Variants in DMD observed in about 807,000 individuals in gnomAD.
The protein encoded by DMD is dystrophin.
Under a neutral mutation model 330.1 loss-of-function variants are expected in DMD, and 63 were observed. The ratio of observed to expected loss-of-function variants is 0.19; its 90% CI spans 0.16 to 0.24. The LOEUF (loss-of-function observed/expected upper bound fraction) is 0.24, where lower values mean the gene tolerates loss of function less well. DMD is among the 10% of genes least tolerant of loss of function. The pLI, the probability that DMD is intolerant of heterozygous loss-of-function variation, is 1.00. For missense variants in DMD, 3,344 were observed against 2,684.1 expected, an observed-to-expected ratio of 1.25 and a Z score of -5.43; for synonymous variants, 1,223 against 959.8, an observed-to-expected ratio of 1.27 and a Z score of -5.07.
chrX:32,029,563 A>G (rs1264885976), intron 44 of DMD, among the ~76,000 whole-genome samples: 1 of 111,314 alleles, frequency 9.0e-6, no homozygotes, highest in African/African-American at 3.3e-5. Context: ...CACGTAATAA[A>G]TGCTGCCTGG....
chrX:32,712,232 C>G (rs773773675), intron 7 of DMD, among the ~76,000 whole-genome samples: 1 of 111,185 alleles, frequency 9.0e-6, no homozygotes, highest in African/African-American at 3.3e-5. Flanking sequence ...AAAATAAAAA[C>G]AAACACAAAC....
intron 59 of DMD, among the ~76,000 whole-genome samples, chrX:31,449,783 T>G (rs59705623): frequency 0.032 from 2,911 of 90,919 alleles, 110 homozygotes; most frequent in African/African-American, 0.094. Context: ...TATATATATA[T>G]ATATATATAT....
At chrX:33,194,653 C>T (rs1035881659) in intron 1 of DMD, among the ~76,000 whole-genome samples, 1 of 110,629 alleles carries the variant, frequency 9.0e-6, no homozygotes, top group African/African-American at 3.3e-5. Flanking sequence ...TTACTATGGT[C>T]TTATTAGTTT....
chrX:31,900,191 C>T (rs888380680), intron 47 of DMD, among the ~76,000 whole-genome samples: 5 of 111,374 alleles, frequency 4.5e-5, no homozygotes, highest in Admixed American at 1.9e-4. Context: ...GTTCCTCTTC[C>T]TTTTCTCCAT....
Position 31,677,051 on chromosome X carries a change from T to C in DMD, c.7872+2324A>G, listed in dbSNP as rs182576505. On this transcript the variant is annotated intron_variant, in intron 53 of 78. Transcript: ENST00000357033. The stretch of plus-strand genomic sequence containing the variant: ...CTGAGCCATTTTTATGATGTAGTTT[T>C]AGACCATTCCAAAGCGTTTTTTTTT... Among the ~76,000 whole-genome samples the C allele has an allele frequency of 7.6e-5, 6 of 78,831 alleles. No homozygotes were observed. In the East Asian group the frequency reaches 2.5e-3, roughly 33 times the overall value. The allele number at this position is 78,831 out of a possible 115,157, so 68.5% of individuals were successfully genotyped here. A position where few individuals can be genotyped will look rare whatever the true frequency, so the allele number is the denominator to read the frequency against.
At chrX:32,308,885 A>G (rs932588853) in intron 42 of DMD, among the ~76,000 whole-genome samples, 4 of 111,316 alleles carry the variant, frequency 3.6e-5, no homozygotes, top group Non-Finnish European at 7.6e-5. Context: ...ACAATGATGC[A>G]CTTACAAACT....
At chrX:32,880,873 G>T (rs1603453140) in intron 2 of DMD, among the ~76,000 whole-genome samples, 1 of 112,736 alleles carries the variant, frequency 8.9e-6, no homozygotes, top group African/African-American at 3.2e-5. Flanking sequence ...GAACCCAGAA[G>T]GCGGAGGTTG....
intron 55 of DMD, among the ~76,000 whole-genome samples, chrX:31,554,935 G>A (rs1238486871): frequency 1.8e-5 from 2 of 112,061 alleles, no homozygotes; most frequent in African/African-American, 6.5e-5. Context: ...ATGAGGTGCT[G>A]TCTGAAAAGG....
chrX:31,969,367 A>G (rs2095378935), intron 44 of DMD, among the ~76,000 whole-genome samples: 1 of 111,994 alleles, frequency 8.9e-6, no homozygotes. Context: ...TAGAATTTGT[A>G]AGGCCATTAA....
At chrX:31,524,449 A>G (rs1400832608) in intron 55 of DMD, among the ~76,000 whole-genome samples, 2 of 111,753 alleles carry the variant, frequency 1.8e-5, no homozygotes, top group East Asian at 5.6e-4. Flanking sequence ...TGTAATTAAA[A>G]GGCACATGTG....
At chrX:32,828,851 C>A (rs763924061) in intron 4 of DMD, among the ~76,000 whole-genome samples, 1 of 111,220 alleles carries the variant, frequency 9.0e-6, no homozygotes, top group East Asian at 2.8e-4. Flanking sequence ...ACTTTGTTAA[C>A]TTTTATTTCC....
intron 43 of DMD, among the ~76,000 whole-genome samples, chrX:32,261,160 C>T (rs752970420): frequency 1.3e-4 from 15 of 112,108 alleles, no homozygotes; most frequent in Non-Finnish European, 2.8e-4. Context: ...CCAAGCAAAA[C>T]ATATCCTTCA....
chrX:32,945,807 TG>T (rs1322934935), intron 2 of DMD, among the ~76,000 whole-genome samples: 2 of 111,757 alleles, frequency 1.8e-5, no homozygotes, highest in African/African-American at 6.5e-5. Context: ...TTACCTACAA[TG>T]AAGGATGTAA....
intron 7 of DMD, among the ~76,000 whole-genome samples, chrX:32,711,485 G>A (rs776415387): frequency 2.7e-5 from 3 of 111,770 alleles, no homozygotes; most frequent in East Asian, 2.8e-4. Context: ...GATTAGGAAA[G>A]CTTTCCCTCA....
At chrX:33,138,976 C>T (rs1349143228) in intron 1 of DMD, among the ~76,000 whole-genome samples, 1 of 111,162 alleles carries the variant, frequency 9.0e-6, no homozygotes, top group Non-Finnish European at 1.9e-5. Flanking sequence ...TGTGTTTCTC[C>T]AGCTTACTCA....
At chrX:31,265,697 C>T (rs1421726962) in intron 62 of DMD, among the ~76,000 whole-genome samples, 1 of 101,688 alleles carries the variant, frequency 9.8e-6, no homozygotes, top group African/African-American at 3.7e-5. Context: ...ACTCGCTTCT[C>T]CAACAGCAAA....
chrX:31,486,490 G>A (rs1379949403), intron 57 of DMD, among the ~76,000 whole-genome samples: 3 of 112,351 alleles, frequency 2.7e-5, no homozygotes, highest in African/African-American at 9.7e-5. Flanking sequence ...TCAAGAAGTG[G>A]TCCCATTAGC....
intron 44 of DMD, among the ~76,000 whole-genome samples, chrX:32,058,930 C>T (rs1231580903): frequency 1.8e-5 from 2 of 111,316 alleles, no homozygotes; most frequent in Non-Finnish European, 3.8e-5. Flanking sequence ...GGAAATCTTA[C>T]CATATGCTAC....
chrX:32,510,973 T>C (rs2045235338), intron 18 of DMD, among the ~76,000 whole-genome samples: 1 of 109,806 alleles, frequency 9.1e-6, no homozygotes, highest in Non-Finnish European at 1.9e-5. Context: ...CCACCTCCTC[T>C]CTCTATGTGT....
Sources: allele counts gnomAD v4.1 joint callset (sites outside exome capture counted in the v4.1 genomes callset), GRCh38; gene constraint gnomAD v4.1.1; transcripts MANE v1.5; gene names NCBI Gene and HGNC (gene_info 2026-07-23, HGNC 2026-07-21).